Variants in ADAMTS3 observed in about 807,000 individuals in gnomAD.
ADAMTS3 encodes A disintegrin and metalloproteinase with thrombospondin motifs 3.
A neutral mutation model predicts 129.0 loss-of-function variants in ADAMTS3; 73 were observed. That is an observed-to-expected ratio of 0.57 (90% CI 0.47 to 0.69). ADAMTS3 has a LOEUF of 0.69. Among genes scored for constraint, ADAMTS3 ranks in the 30% least tolerant of loss-of-function variants. The pLI is 0.00. For missense variants in ADAMTS3, 1,457 were observed against 1,514.5 expected (o/e 0.96, Z 0.63); for synonymous variants, 477 against 510.8 (o/e 0.93, Z 0.89).
chr4:72,548,292 A>C (rs1721517099), intron 3 of ADAMTS3, among the ~76,000 whole-genome samples, 186 bp downstream of exon 3: 1 of 152,200 alleles, frequency 6.6e-6, no homozygotes, highest in Non-Finnish European at 1.5e-5. Flanking sequence ...CAAGAAACAA[A>C]ATTGTCACAA....
chr4:72,537,758 C>T (rs1235350423), intron 3 of ADAMTS3, among the ~76,000 whole-genome samples: 2 of 151,574 alleles, frequency 1.3e-5, no homozygotes, highest in Non-Finnish European at 2.9e-5. Context: ...AAGTATGGTC[C>T]ATTCAAAGGA....
Position 72,298,418 on chromosome 4 carries a change from G to A in ADAMTS3, c.2449C>T (p.Arg817Cys), listed in dbSNP as rs372614431. 2.2e-5 allele frequency: 36 copies of A among 1,603,528 alleles called. No homozygotes were observed. Among genetic ancestry groups the A allele is most frequent in the Admixed American group, 1.5e-4 (9 of 59,716 alleles). The change falls in exon 18 of 22, where the codon CGC becomes TGC. Residue 817 changes from arginine to cysteine, a missense_variant. Transcript: ENST00000286657. The stretch of plus-strand genomic sequence containing the variant: ...ATGTACTTATATGTCAGGCTAGAGC[G>A]GGTATCATTTTCTTGAGGTATAATC... ...VLIIPQENDT[R>C]SSLTYKYIIH...
chr4:72,439,885 A>C (rs747952851), intron 3 of ADAMTS3, among the ~76,000 whole-genome samples: 4 of 151,802 alleles, frequency 2.6e-5, no homozygotes, highest in African/African-American at 4.8e-5. Context: ...TTCTAAAAAA[A>C]AGTTGCTTCC....
At chr4:72,466,845 T>C (rs970722616) in intron 3 of ADAMTS3, among the ~76,000 whole-genome samples, 2 of 152,064 alleles carry the variant, frequency 1.3e-5, no homozygotes, top group East Asian at 1.9e-4. Context: ...TAGGGTCAGA[T>C]AGAATTAAGC....
intron 4 of ADAMTS3, among the ~76,000 whole-genome samples, chr4:72,345,605 TC>T: frequency 6.6e-6 from 1 of 152,122 alleles, no homozygotes; most frequent in African/African-American, 2.4e-5. Context: ...TGATGTCAAT[TC>T]AAAAGTTTCA....
chr4:72,480,602 G>A (rs182519501), intron 3 of ADAMTS3, among the ~76,000 whole-genome samples: 5,014 of 151,690 alleles, frequency 0.033, 274 homozygotes, highest in African/African-American at 0.12. Context: ...GCTAAATGAC[G>A]AGTTAATGGG....
At chr4:72,520,947 A>G (rs1011284558) in intron 3 of ADAMTS3, among the ~76,000 whole-genome samples, 7 of 151,554 alleles carry the variant, frequency 4.6e-5, no homozygotes, top group African/African-American at 1.7e-4. Flanking sequence ...TCACGCTGGG[A>G]GCTGTAGACT....
intron 3 of ADAMTS3, among the ~76,000 whole-genome samples, chr4:72,533,613 G>GTA (rs1224411032): frequency 6.6e-6 from 1 of 151,798 alleles, no homozygotes; most frequent in Non-Finnish European, 1.5e-5. Context: ...ATGCACATAT[G>GTA]TATATATACA....
intron 3 of ADAMTS3, among the ~76,000 whole-genome samples, chr4:72,436,005 G>A (rs1201602673): frequency 6.6e-6 from 1 of 151,992 alleles, no homozygotes; most frequent in Non-Finnish European, 1.5e-5. Context: ...TGACAAATGG[G>A]ATCTAATTAA....
chr4:72,295,368 CA>C (rs1578558253), intron 19 of ADAMTS3, among the ~76,000 whole-genome samples: 2 of 151,696 alleles, frequency 1.3e-5, no homozygotes, highest in East Asian at 3.9e-4. Context: ...ACCCACCTCC[CA>C]AAAAAAGTCA....
chr4:72,481,507 G>C (rs900900055), intron 3 of ADAMTS3, among the ~76,000 whole-genome samples: 1 of 152,066 alleles, frequency 6.6e-6, no homozygotes, highest in African/African-American at 2.4e-5. Context: ...CAAAAGAATA[G>C]CCTTGGACCT....
chr4:72,335,579 T>C (rs747657944), intron 5 of ADAMTS3, among the ~76,000 whole-genome samples: 2 of 152,140 alleles, frequency 1.3e-5, no homozygotes, highest in African/African-American at 2.4e-5. Context: ...AGTAACACTG[T>C]CTTTTTTTAA....
At chr4:72,334,436 A>T (rs1188625929) in intron 5 of ADAMTS3, among the ~76,000 whole-genome samples, 2 of 152,178 alleles carry the variant, frequency 1.3e-5, no homozygotes, top group Non-Finnish European at 2.9e-5. Flanking sequence ...AGGCTTAATA[A>T]TATACAGTAA....
intron 3 of ADAMTS3, among the ~76,000 whole-genome samples, chr4:72,459,002 A>AACAAAAAAACAATTTTGTAT: frequency 6.6e-6 from 1 of 151,860 alleles, no homozygotes; most frequent in Non-Finnish European, 1.5e-5. Flanking sequence ...TGAAAATGCT[A>AACAAAAAAACAATTTTGTAT]ACAAAAAAAC....
At chr4:72,370,486 C>G (rs1047518876) in intron 4 of ADAMTS3, among the ~76,000 whole-genome samples, 1 of 151,962 alleles carries the variant, frequency 6.6e-6, no homozygotes, top group Non-Finnish European at 1.5e-5. Flanking sequence ...GCTTGTTTAC[C>G]CTTAATGGTG....
intron 3 of ADAMTS3, among the ~76,000 whole-genome samples, chr4:72,443,795 G>A (rs73825405): frequency 0.017 from 2,503 of 151,514 alleles, 63 homozygotes; most frequent in African/African-American, 0.057. Context: ...TCAAAATCCT[G>A]GCAGTAGAAA....
At chr4:72,553,703 T>C (rs1258485496) in intron 2 of ADAMTS3, among the ~76,000 whole-genome samples, 1 of 152,080 alleles carries the variant, frequency 6.6e-6, no homozygotes, top group African/African-American at 2.4e-5. Flanking sequence ...CTCCTCCTCA[T>C]TCTGCTTCCT....
At position 72,282,039 on chromosome 4, in the gene ADAMTS3, A is replaced by G. The variant is rs1718358726; in HGVS notation, c.*1097T>C. Reference sequence around the variant, plus strand: ...CAACCATCGACATATGCTTTCTTGAACCTGCCTTCAAAGCCCCAAAGCTCT... The same window carrying G: ...CAACCATCGACATATGCTTTCTTGAGCCTGCCTTCAAAGCCCCAAAGCTCT... On this transcript the variant is annotated 3_prime_UTR_variant, in exon 22 of 22. Transcript: ENST00000286657. The G allele has an allele frequency of 1.3e-5, 2 of 152,148 alleles. No individual in the cohort carries two copies. The highest frequency in any genetic ancestry group is 2.9e-5 in the Non-Finnish European group (2 of 68,028). 9.4% of individuals were successfully genotyped at this position (152,148 alleles called of 1,614,324 possible). A position where few individuals can be genotyped will look rare whatever the true frequency, so the allele number is the denominator to read the frequency against.
intron 3 of ADAMTS3, among the ~76,000 whole-genome samples, chr4:72,493,196 G>T (rs1719790802): frequency 6.6e-6 from 1 of 151,792 alleles, no homozygotes; most frequent in African/African-American, 2.4e-5. Context: ...TTGTTTGGTG[G>T]TGAGTTTAAT....
Sources: allele counts gnomAD v4.1 joint callset (sites outside exome capture counted in the v4.1 genomes callset), GRCh38; gene constraint gnomAD v4.1.1; transcripts MANE v1.5; gene names NCBI Gene and HGNC (gene_info 2026-07-23, HGNC 2026-07-21).